Variants in FMN1 observed in about 807,000 individuals in gnomAD.
The protein encoded by FMN1 is formin 1.
FMN1 carries 110 observed loss-of-function variants against 132.4 expected under a neutral mutation model. The ratio of observed to expected loss-of-function variants is 0.83; its 90% CI spans 0.71 to 0.97. The LOEUF (loss-of-function observed/expected upper bound fraction) is 0.97. Among genes scored for constraint, FMN1 ranks in the 50% least tolerant of loss-of-function variants. The pLI is 0.00. For synonymous variants in FMN1, 722 were observed against 651.7 expected, an observed-to-expected ratio of 1.11 and a Z score of -1.64; for missense variants, 1,792 against 1,705.3, an observed-to-expected ratio of 1.05 and a Z score of -0.90.
chr15:32,786,730 C>T (rs2056891678), intron 19 of FMN1, among the ~76,000 whole-genome samples: 2 of 152,148 alleles, frequency 1.3e-5, no homozygotes, highest in Non-Finnish European at 2.9e-5. Context: ...ATTAGGCTTA[C>T]CTGAAACATA....
intron 19 of FMN1, among the ~76,000 whole-genome samples, chr15:32,797,384 A>G (rs1020255823): frequency 6.6e-6 from 1 of 152,176 alleles, no homozygotes. Context: ...CCCAGCCTCA[A>G]GGTGTATGGA....
At chr15:32,885,292 C>G (rs1290460991) in intron 16 of FMN1, among the ~76,000 whole-genome samples, 1 of 152,114 alleles carries the variant, frequency 6.6e-6, no homozygotes, top group Non-Finnish European at 1.5e-5. Flanking sequence ...TGTGTGCACA[C>G]GTGTGCATGC....
At chr15:33,033,083 T>C (rs983444108) in intron 6 of FMN1, among the ~76,000 whole-genome samples, 2 of 152,148 alleles carry the variant, frequency 1.3e-5, no homozygotes, top group Admixed American at 6.5e-5. Flanking sequence ...CAGGATGGAG[T>C]GCAGTGGTAC....
At chr15:33,155,883 G>A (rs1428908634) in intron 3 of FMN1, among the ~76,000 whole-genome samples, 2 of 152,136 alleles carry the variant, frequency 1.3e-5, no homozygotes, top group Admixed American at 6.5e-5. Flanking sequence ...AAATGTCTCT[G>A]TGGCTACCAT....
Position 33,030,411 on chromosome 15 carries a change from C to A in FMN1, c.2162-22336G>T, listed in dbSNP as rs568414638. ...AATGTATTCCTGAATCCCCAAAGAA[C>A]TGAAAAATCACGTCACTCTGTGGAT... is the stretch of plus-strand genomic sequence containing the variant. On this transcript the variant is annotated intron_variant, in intron 6 of 20. Transcript: ENST00000616417. Among the ~76,000 whole-genome samples, 7 of 152,262 alleles carry A rather than the reference C, an allele frequency of 4.6e-5. No individual in the cohort carries two copies. The East Asian group carries it at 1.3e-3, about 29-fold the overall frequency.
At chr15:32,832,708 G>A (rs906835744) in intron 17 of FMN1, among the ~76,000 whole-genome samples, 3 of 152,196 alleles carry the variant, frequency 2.0e-5, no homozygotes, top group East Asian at 1.9e-4. Flanking sequence ...AACCCGGGAG[G>A]TGGAGGTTGC....
chr15:32,832,440 A>T (rs2058523803), intron 17 of FMN1, among the ~76,000 whole-genome samples: 1 of 152,064 alleles, frequency 6.6e-6, no homozygotes, highest in Non-Finnish European at 1.5e-5. Context: ...CAGTGTGGAG[A>T]GGGGTTTCAG....
rs992912472 is a variant in FMN1, at chr15:33,065,077, G to A, written c.2044-3C>T. 5 of 1,597,878 alleles carry A rather than the reference G, an allele frequency of 3.1e-6. No homozygotes were observed. Among genetic ancestry groups the A allele is most frequent in the Admixed American group, 3.4e-5 (2 of 58,288 alleles). ...TGCTCAGTCAGGCTGTGGTCAGGCT[G>A]TTGAAAGAGCAGGCAAATAGTAAGT... On this transcript the variant is annotated splice_region_variant and splice_polypyrimidine_tract_variant and intron_variant, in intron 5 of 20. Transcript: ENST00000616417.
At chr15:32,918,297 T>A (rs1419668934) in intron 10 of FMN1, among the ~76,000 whole-genome samples, 1 of 151,838 alleles carries the variant, frequency 6.6e-6, no homozygotes, top group Admixed American at 6.6e-5. Context: ...AAAAGTTGCA[T>A]CCAAACAGAT....
chr15:33,131,419 T>C (rs1963542310), intron 4 of FMN1, among the ~76,000 whole-genome samples: 1 of 152,000 alleles, frequency 6.6e-6, no homozygotes, highest in Non-Finnish European at 1.5e-5. Flanking sequence ...GCTCTCTTTC[T>C]GAACAAGTAA....
intron 15 of FMN1, among the ~76,000 whole-genome samples, chr15:32,896,447 A>G (rs1001662472): frequency 2.6e-5 from 4 of 152,134 alleles, no homozygotes; most frequent in African/African-American, 9.7e-5. Flanking sequence ...AAAACCCCCT[A>G]TAACATGATA....
chr15:33,091,744 G>T (rs371857389), intron 4 of FMN1, among the ~76,000 whole-genome samples: 8 of 152,016 alleles, frequency 5.3e-5, no homozygotes, highest in Admixed American at 2.6e-4. Flanking sequence ...AATAAAGCAC[G>T]TCTGTATTTA....
At chr15:32,850,220 C>T (rs1212968418) in intron 17 of FMN1, among the ~76,000 whole-genome samples, 1 of 151,720 alleles carries the variant, frequency 6.6e-6, no homozygotes, top group East Asian at 1.9e-4. Flanking sequence ...AGATTACTGA[C>T]CTTTCCTGAT....
At chr15:32,817,585 C>T (rs767405207) in intron 17 of FMN1, among the ~76,000 whole-genome samples, 4 of 152,198 alleles carry the variant, frequency 2.6e-5, no homozygotes, top group Admixed American at 1.3e-4. Flanking sequence ...GCTGAGAGAA[C>T]TGGGATTCCC....
At chr15:32,889,081 C>T (rs2059964058) in intron 15 of FMN1, among the ~76,000 whole-genome samples, 1 of 152,096 alleles carries the variant, frequency 6.6e-6, no homozygotes, top group Admixed American at 6.6e-5. Context: ...TCTCTAACTC[C>T]TGGGCTCAAG....
rs147617558 is a variant in FMN1, at chr15:33,053,258, T to C, written c.2161+11699A>G. The stretch of plus-strand genomic sequence containing the variant: ...CTGCAGACAGCAGAACTAAAAAAAC[T>C]AATTAGCACACTAACATTCCCTCTG... On this transcript the variant is annotated intron_variant, in intron 6 of 20. Transcript: ENST00000616417. Among the ~76,000 whole-genome samples, 146 of 152,304 alleles carry C rather than the reference T, an allele frequency of 9.6e-4. 1 individual carries two copies. Among genetic ancestry groups the C allele is most frequent in the African/African-American group, 3.4e-3 (140 of 41,576 alleles).
intron 7 of FMN1, among the ~76,000 whole-genome samples, chr15:32,969,775 A>G (rs751211910): frequency 6.6e-6 from 1 of 152,258 alleles, no homozygotes; most frequent in Non-Finnish European, 1.5e-5. Flanking sequence ...CCCAATTTGC[A>G]TATCAAACAC....
chr15:32,805,861 C>T (rs2057661996), intron 17 of FMN1, among the ~76,000 whole-genome samples: 1 of 152,108 alleles, frequency 6.6e-6, no homozygotes, highest in Non-Finnish European at 1.5e-5. Context: ...GGACTCTTGT[C>T]AGAATAATGT....
chr15:32,775,324 A>C (rs1272555034), intron 20 of FMN1, among the ~76,000 whole-genome samples: 1 of 151,968 alleles, frequency 6.6e-6, no homozygotes, highest in Admixed American at 6.6e-5. Context: ...CCACCCACAC[A>C]GACAATAAAA....
Sources: allele counts gnomAD v4.1 joint callset (sites outside exome capture counted in the v4.1 genomes callset), GRCh38; gene constraint gnomAD v4.1.1; transcripts MANE v1.5; gene names NCBI Gene and HGNC (gene_info 2026-07-23, HGNC 2026-07-21).